Variants in TMEM182 observed in about 807,000 individuals in gnomAD.
The protein encoded by TMEM182 is transmembrane protein 182.
In TMEM182, 20 loss-of-function variants were observed where a neutral mutation model predicts 26.8. The ratio of observed to expected loss-of-function variants is 0.75; its 90% CI spans 0.53 to 1.09. The LOEUF (loss-of-function observed/expected upper bound fraction) is 1.09, where lower values mean the gene tolerates loss of function less well. Ranked by LOEUF, TMEM182 falls within the 50% of genes least tolerant of loss-of-function variation. The pLI is 0.00. For synonymous variants in TMEM182, 109 were observed against 102.2 expected, an observed-to-expected ratio of 1.07 and a Z score of -0.40; for missense variants, 277 against 275.5, an observed-to-expected ratio of 1.01 and a Z score of -0.04.
At chr2:102,833,109 C>T (rs1683181042) in intron 3 of TMEM182, among the ~76,000 whole-genome samples, 1 of 152,150 alleles carries the variant, frequency 6.6e-6, no homozygotes, top group Admixed American at 6.6e-5. Context: ...AAAATTGGAA[C>T]ATGCTATGAT....
intron 3 of TMEM182, among the ~76,000 whole-genome samples, chr2:102,838,431 G>A (rs527739457): frequency 2.0e-5 from 3 of 152,150 alleles, no homozygotes; most frequent in South Asian, 2.1e-4. Context: ...AAATGGTACC[G>A]ATGTGAAGAG....
chr2:102,834,253 T>G lies in TMEM182; in HGVS notation c.326-9159T>G, dbSNP rs79326961. Among the ~76,000 whole-genome samples, 54 of 152,304 alleles carry G rather than the reference T, an allele frequency of 3.5e-4. No individual in the cohort carries two copies. The East Asian group carries it at 9.9e-3, about 28-fold the overall frequency. On this transcript the variant is annotated intron_variant, in intron 3 of 3. Coordinates refer to the TMEM182 transcript ENST00000486293. ...TGGGCCTAACTCTAAGGCTGAAGGA[T>G]TATCCATTGATAAACTTCATGCACA... is the stretch of plus-strand genomic sequence containing the variant.
intron 1 of TMEM182, among the ~76,000 whole-genome samples, chr2:102,741,732 A>G (rs547264435): frequency 6.6e-6 from 1 of 152,340 alleles, no homozygotes; most frequent in Non-Finnish European, 1.5e-5. Context: ...AGGTTCCAGT[A>G]TAATAACAGT....
intron 1 of TMEM182, among the ~76,000 whole-genome samples, chr2:102,749,924 A>C (rs1042487758): frequency 2.6e-5 from 4 of 152,164 alleles, no homozygotes; most frequent in Admixed American, 6.5e-5. Context: ...ACATACTTCA[A>C]AATGTTTCTG....
At chr2:102,758,264 T>A, upstream of TMEM182, 1 of 511,016 alleles carries the variant, frequency 2.0e-6, no homozygotes, top group Non-Finnish European at 3.5e-6. Flanking sequence ...AGAACCTATG[T>A]CTCAGTTTGT....
chr2:102,800,582 A>G (rs753937331), intron 4 of TMEM182, among the ~76,000 whole-genome samples: 1 of 152,142 alleles, frequency 6.6e-6, no homozygotes, highest in Non-Finnish European at 1.5e-5. Context: ...GTAAGGGTAC[A>G]CATTTTTCTA....
chr2:102,766,264 G>T (rs1258584859), intron 3 of TMEM182, among the ~76,000 whole-genome samples: 1 of 152,080 alleles, frequency 6.6e-6, no homozygotes, highest in Non-Finnish European at 1.5e-5. Flanking sequence ...TGATGGAGAT[G>T]GATTGTAAAT....
At chr2:102,766,829 A>G (rs10185170) in intron 3 of TMEM182, among the ~76,000 whole-genome samples, 5,974 of 152,320 alleles carry the variant, frequency 0.039, 381 homozygotes, top group African/African-American at 0.13. Flanking sequence ...AAATGGCTTT[A>G]TAGTGTCCTG....
Position 102,816,592 on chromosome 2 carries a change from T to A in TMEM182, c.*1624T>A. 1.0e-6 allele frequency: 1 copy of A among 985,062 alleles called. No individual in the cohort carries two copies. The highest frequency in any genetic ancestry group is 1.2e-6 in the Non-Finnish European group (1 of 829,774). 61.0% of individuals were successfully genotyped at this position (985,062 alleles called of 1,614,324 possible). ...GGTTTCTCAAGTCATTTCAGTGATA[T>A]CATTGAAACGTTTTTGTGGTACTTC... On this transcript the variant is annotated 3_prime_UTR_variant, in exon 5 of 5. Transcript: ENST00000412401.
chr2:102,817,020 T>C lies in TMEM182; in HGVS notation c.*2052T>C, dbSNP rs951876771. 9.1e-6 allele frequency: 9 copies of C among 985,660 alleles called. No individual in the cohort carries two copies. In the Admixed American group the frequency reaches 3.7e-4, roughly 40 times the overall value. The allele number at this position is 985,660 out of a possible 1,614,324, so 61.1% of individuals were successfully genotyped here. A position where few individuals can be genotyped will look rare whatever the true frequency, so the allele number is the denominator to read the frequency against. ...ATGACACTTTTACACAGATTTGCAC[T>C]TTGGAACTATTTTATAGTTGTAATG... On this transcript the variant is annotated 3_prime_UTR_variant, in exon 5 of 5. Transcript: ENST00000412401.
chr2:102,784,510 TAGAAAAGG>T (rs1681307371), intron 3 of TMEM182, among the ~76,000 whole-genome samples: 1 of 152,160 alleles, frequency 6.6e-6, no homozygotes, highest in Non-Finnish European at 1.5e-5. Context: ...AATATTGTTA[TAGAAAAGG>T]TGTCCAGATC....
intron 4 of TMEM182, among the ~76,000 whole-genome samples, chr2:102,802,527 CT>C (rs1682187457): frequency 6.6e-6 from 1 of 152,308 alleles, no homozygotes; most frequent in South Asian, 2.1e-4. Context: ...ACCTAAACTG[CT>C]GCTGTTTGTT....
At position 102,833,149 on chromosome 2, in the gene TMEM182, G is replaced by GGA. The variant is rs745747756; in HGVS notation, c.326-10262_326-10261insAG. Among the ~76,000 whole-genome samples the GGA allele has an allele frequency of 1.9e-3, 283 of 152,314 alleles. 1 individual carries two copies. The highest frequency in any genetic ancestry group is 2.1e-3 in the Non-Finnish European group (145 of 68,028). ...GGGAGGAGCTCCCCTTTCTCAGGCA[G>GGA]GTGGGAGGTTGGAGGAGGAGTGGTG... On this transcript the variant is annotated intron_variant, in intron 3 of 3. Transcript: ENST00000486293.
intron 1 of TMEM182, among the ~76,000 whole-genome samples, chr2:102,749,349 A>G (rs1265255579): frequency 6.6e-6 from 1 of 152,208 alleles, no homozygotes; most frequent in African/African-American, 2.4e-5. Context: ...TGTCCTCTAT[A>G]TATTCCATTT....
At chr2:102,812,288 G>GATTA in intron 4 of TMEM182, among the ~76,000 whole-genome samples, 1 of 151,850 alleles carries the variant, frequency 6.6e-6, no homozygotes, top group East Asian at 1.9e-4. Context: ...AGGCTGCCAT[G>GATTA]ATTAATTCTT....
intron 3 of TMEM182, among the ~76,000 whole-genome samples, chr2:102,789,633 C>T (rs1681549767): frequency 6.6e-6 from 1 of 152,164 alleles, no homozygotes; most frequent in African/African-American, 2.4e-5. Context: ...CAATAGCTAC[C>T]TTAATTAGCT....
Position 102,816,135 on chromosome 2 carries a change from A to G in TMEM182, c.*1167A>G, listed in dbSNP as rs1296581967. The G allele has an allele frequency of 1.0e-6, 1 of 985,292 alleles. No individual in the cohort carries two copies. Among genetic ancestry groups the G allele is most frequent in the Non-Finnish European group, 1.2e-6 (1 of 829,942 alleles). 61.0% of individuals were successfully genotyped at this position (985,292 alleles called of 1,614,324 possible). ...AGCATAGACATTTTGCATATCAAAG[A>G]TGTTCATTTGGCACTAATGTTGATT... On this transcript the variant is annotated 3_prime_UTR_variant, in exon 5 of 5. Coordinates refer to ENST00000412401, the MANE Select transcript of TMEM182 (RefSeq NM_144632.5).
chr2:102,758,615 C>A, upstream of TMEM182: 1 of 619,290 alleles, frequency 1.6e-6, no homozygotes, highest in Non-Finnish European at 3.0e-6. Flanking sequence ...TGGGCCAGAT[C>A]AGCACTGTTT....
chr2:102,826,522 G>A (rs1001123226), intron 3 of TMEM182, among the ~76,000 whole-genome samples: 20 of 151,996 alleles, frequency 1.3e-4, no homozygotes, highest in Admixed American at 8.5e-4. Flanking sequence ...TTCATGCAAC[G>A]TGTTTGCAAA....
Sources: gnomAD v4.1 joint callset for allele counts (sites outside exome capture counted in the v4.1 genomes callset) on GRCh38, gnomAD v4.1.1 for gene constraint, MANE v1.5 for transcripts, NCBI Gene and HGNC (gene_info 2026-07-23, HGNC 2026-07-21) for gene names.